ST18: variants seen among roughly 807,000 people sequenced by gnomAD.
ST18 encodes the protein ST18 C2H2C-type zinc finger transcription factor, also known as suppression of tumorigenicity 18 protein.
Under a neutral mutation model 110.0 loss-of-function variants are expected in ST18, and 50 were observed. The observed-to-expected ratio is 0.45, with a 90% CI of 0.36 to 0.58. The LOEUF (loss-of-function observed/expected upper bound fraction) is 0.58, where lower values mean the gene tolerates loss of function less well. Ranked by LOEUF, ST18 falls within the 20% of genes least tolerant of loss-of-function variation. The pLI, the probability that ST18 is intolerant of heterozygous loss-of-function variation, is 0.00. For missense variants in ST18, 1,306 were observed against 1,280.1 expected (o/e 1.02, Z -0.31); for synonymous variants, 461 against 452.4 (o/e 1.02, Z -0.24).
At chr8:52,260,249 C>T (rs902400808) in intron 2 of ST18, among the ~76,000 whole-genome samples, 12 of 151,986 alleles carry the variant, frequency 7.9e-5, no homozygotes, top group Non-Finnish European at 1.3e-4. Context: ...ATACCTATAC[C>T]TATGCCTACA....
intron 2 of ST18, among the ~76,000 whole-genome samples, chr8:52,256,610 C>A (rs1389592468): frequency 6.6e-6 from 1 of 152,184 alleles, no homozygotes; most frequent in Non-Finnish European, 1.5e-5. Flanking sequence ...GAGCTATCAG[C>A]AATAGCATTA....
At chr8:52,136,760 TGGGGATTGG>T in intron 18 of ST18, 102 bp from the exon 19 acceptor site, 1 of 995,346 alleles carries the variant, frequency 1.0e-6, no homozygotes, top group African/African-American at 1.7e-5. Flanking sequence ...TATTGGTGAC[TGGGGATTGG>T]GAAAAAAAAA....
At chr8:52,193,268 T>TG (rs2075164304) in intron 8 of ST18, among the ~76,000 whole-genome samples, 1 of 151,890 alleles carries the variant, frequency 6.6e-6, no homozygotes, top group African/African-American at 2.4e-5. Flanking sequence ...GTGTATACCA[T>TG]GGTATGCACC....
chr8:52,284,139 G>A (rs1172164870), intron 2 of ST18, among the ~76,000 whole-genome samples: 1 of 152,170 alleles, frequency 6.6e-6, no homozygotes, highest in Admixed American at 6.5e-5. Context: ...GAGCCAAAGT[G>A]GTGTGCATGG....
intron 2 of ST18, among the ~76,000 whole-genome samples, chr8:52,384,915 C>T (rs959131193): frequency 6.6e-6 from 1 of 152,020 alleles, no homozygotes; most frequent in Admixed American, 6.5e-5. Flanking sequence ...GTACCTACAC[C>T]GGGTACTGTT....
At chr8:52,390,424 A>G (rs1838901887) in intron 2 of ST18, among the ~76,000 whole-genome samples, 1 of 152,184 alleles carries the variant, frequency 6.6e-6, no homozygotes. Context: ...CTTCCCTCTC[A>G]TATTAGTGGA....
At chr8:52,326,082 C>A (rs1463851934) in intron 2 of ST18, among the ~76,000 whole-genome samples, 2 of 152,166 alleles carry the variant, frequency 1.3e-5, no homozygotes, top group Non-Finnish European at 2.9e-5. Context: ...TAGAAAAATA[C>A]AAAGCATAGA....
chr8:52,369,339 A>C (rs1204256573), intron 2 of ST18, among the ~76,000 whole-genome samples: 1 of 152,204 alleles, frequency 6.6e-6, no homozygotes, highest in African/African-American at 2.4e-5. Flanking sequence ...AAAGCGTGGA[A>C]GTGGAGTATA....
chr8:52,281,915 G>A (rs1426924172), intron 2 of ST18, among the ~76,000 whole-genome samples: 4 of 152,138 alleles, frequency 2.6e-5, no homozygotes, highest in Non-Finnish European at 5.9e-5. Context: ...ATGGGTGAAG[G>A]ATATAAGACT....
Position 52,381,309 on chromosome 8 carries a change from C to T in ST18, c.-465+28019G>A, listed in dbSNP as rs191544007. 3.4e-3 allele frequency among the ~76,000 whole-genome samples: 523 copies of T among 152,208 alleles called. 6 individuals are homozygous for T. Among genetic ancestry groups the T allele is most frequent in the African/African-American group, 0.012 (498 of 41,530 alleles). The stretch of plus-strand genomic sequence containing the variant: ...TAACGTCTTCTCAGATGATTCCAGA[C>T]GTCATTCCCCAACAAAGACAGTCGG... On this transcript the variant is annotated intron_variant, in intron 2 of 25. Transcript: ENST00000689386.
chr8:52,171,750 A>G (rs1284448193), intron 10 of ST18, 42 bp downstream of exon 10: 2 of 1,594,954 alleles, frequency 1.3e-6, no homozygotes, highest in East Asian at 4.5e-5. Flanking sequence ...TCAAACCCTA[A>G]TGCACTTTTA....
At chr8:52,316,781 G>A (rs2096036109) in intron 2 of ST18, among the ~76,000 whole-genome samples, 1 of 152,044 alleles carries the variant, frequency 6.6e-6, no homozygotes, top group African/African-American at 2.4e-5. Flanking sequence ...TGTGCTGTAT[G>A]GTATATCTTC....
rs117849895 is a variant in ST18 at position 52,173,701 on chromosome 8, G to T, written c.278-1118C>A. On this transcript the variant is annotated intron_variant, in intron 9 of 25. Coordinates refer to ENST00000689386, the MANE Select transcript of ST18 (RefSeq NM_001352837.2). ...TGCCCAGACATCCAAAAAATAGGAG[G>T]ACTGTTTCTGTGTCTCAAAAGCAGG... Among the ~76,000 whole-genome samples the T allele has an allele frequency of 1.8e-4, 28 of 152,146 alleles. No individual in the cohort carries two copies. In the East Asian group the frequency reaches 5.4e-3, roughly 29 times the overall value.
rs2060687380 is a variant in ST18 at position 52,158,927 on chromosome 8, A to T, written c.1777T>A (p.Ser593Thr). ...GCATGCAGACTCTGTGGCTTGTTGG[A>T]GAGGATGTCTGTGGCTTCCCTGCAG... ...TRCREATDIL[S>T]NKPQSLHAKG... The change falls in exon 15 of 26, where the codon TCC (serine) becomes ACC (threonine). Residue 593 changes from serine to threonine, a missense_variant. By Grantham distance (58) the Ser-to-Thr change is moderately conservative. Transcript: ENST00000689386. The T allele has an allele frequency of 6.2e-7, 1 of 1,613,944 alleles. No individual in the cohort carries two copies. The highest frequency in any genetic ancestry group is 2.2e-5 in the East Asian group (1 of 44,880).
intron 2 of ST18, among the ~76,000 whole-genome samples, chr8:52,240,192 T>C (rs1025079232): frequency 6.6e-6 from 1 of 152,188 alleles, no homozygotes; most frequent in Admixed American, 6.5e-5. Flanking sequence ...ATTAGTCTTT[T>C]AGTTTTCTGA....
At chr8:52,115,440 G>T (rs1273754748) in intron 25 of ST18, among the ~76,000 whole-genome samples, 1 of 152,180 alleles carries the variant, frequency 6.6e-6, no homozygotes, top group African/African-American at 2.4e-5. Context: ...CTGAATATAT[G>T]ATGATAGTCC....
chr8:52,309,150 G>A (rs1030128636), intron 2 of ST18, among the ~76,000 whole-genome samples: 9 of 152,264 alleles, frequency 5.9e-5, no homozygotes, highest in Middle Eastern at 3.4e-3. Context: ...AAATGCTGAG[G>A]GAGTGAGGGT....
At chr8:52,263,108 A>G (rs533860872) in intron 2 of ST18, among the ~76,000 whole-genome samples, 65 of 152,330 alleles carry the variant, frequency 4.3e-4, no homozygotes, top group Admixed American at 2.0e-3. Flanking sequence ...CACAAAGAGC[A>G]GTTTAAATAT....
chr8:52,354,138 C>A (rs966610533), intron 2 of ST18, among the ~76,000 whole-genome samples: 1 of 152,258 alleles, frequency 6.6e-6, no homozygotes, highest in Non-Finnish European at 1.5e-5. Context: ...GTGCTCACCA[C>A]TTGACCTCTG....
Sources: allele counts gnomAD v4.1 joint callset (sites outside exome capture counted in the v4.1 genomes callset), GRCh38; gene constraint gnomAD v4.1.1; transcripts MANE v1.5; gene names NCBI Gene and HGNC (gene_info 2026-07-23, HGNC 2026-07-21).